CSMD1: variants seen among roughly 807,000 people sequenced by gnomAD.
CSMD1 encodes the protein CUB and Sushi multiple domains 1, also known as CUB and sushi domain-containing protein 1.
CSMD1 carries 213 observed loss-of-function variants against 417.5 expected under a neutral mutation model. The ratio of observed to expected loss-of-function variants is 0.51; its 90% CI spans 0.46 to 0.57. The LOEUF is 0.57. Ranked by LOEUF, CSMD1 falls within the 20% of genes least tolerant of loss-of-function variation. The pLI, the probability that CSMD1 is intolerant of heterozygous loss-of-function variation, is 0.00. For synonymous variants in CSMD1, 2,862 were observed against 1,736.8 expected (o/e 1.65, Z -16.11); for missense variants, 6,923 against 4,529.7 (o/e 1.53, Z -15.17).
intron 1 of CSMD1, among the ~76,000 whole-genome samples, chr8:4,799,466 G>C (rs1459297162): frequency 1.3e-5 from 2 of 151,762 alleles, no homozygotes. Flanking sequence ...GCGCGTAATG[G>C]TGTGTGCCTG....
At chr8:3,587,806 C>G (rs1352328086) in intron 8 of CSMD1, among the ~76,000 whole-genome samples, 1 of 152,102 alleles carries the variant, frequency 6.6e-6, no homozygotes, top group Non-Finnish European at 1.5e-5. Context: ...AAGATGTAGA[C>G]TTTTCCAGAT....
At chr8:4,665,110 C>A (rs1294110026) in intron 1 of CSMD1, among the ~76,000 whole-genome samples, 1 of 152,102 alleles carries the variant, frequency 6.6e-6, no homozygotes, top group Non-Finnish European at 1.5e-5. Context: ...CCAGCCCTGC[C>A]CTCTGTATTT....
At chr8:3,533,125 G>C (rs1209636900) in intron 10 of CSMD1, among the ~76,000 whole-genome samples, 1 of 152,098 alleles carries the variant, frequency 6.6e-6, no homozygotes, top group Non-Finnish European at 1.5e-5. Flanking sequence ...AAGCATGAAA[G>C]GACTTATTTT....
rs749764264 is a variant in CSMD1 at position 3,402,842 on chromosome 8, CTT to C, written c.2266+3183_2266+3184del. ...CCTAATTTATTTTTGTTTTTTCTAA[CTT>C]TTTAATCTTATTATTAAATTTCTTT... On this transcript the variant is annotated intron_variant, in intron 15 of 69. Transcript: ENST00000635120. Among the ~76,000 whole-genome samples the C allele has an allele frequency of 2.6e-4, 40 of 151,956 alleles. 1 individual carries two copies. Among genetic ancestry groups the C allele is most frequent in the Middle Eastern group, 3.4e-3 (1 of 294 alleles).
chr8:4,816,193 C>CT (rs34512629), intron 1 of CSMD1, among the ~76,000 whole-genome samples: 3,041 of 150,304 alleles, frequency 0.02, 94 homozygotes, highest in African/African-American at 0.067. Context: ...TTGTTATTTG[C>CT]TTTTTTTTTG....
chr8:4,204,764 C>A (rs1005683223), intron 3 of CSMD1, among the ~76,000 whole-genome samples: 1 of 152,142 alleles, frequency 6.6e-6, no homozygotes, highest in Non-Finnish European at 1.5e-5. Context: ...AATCAATCCT[C>A]CTGCCTCAGC....
rs910218876 is a variant in CSMD1, at chr8:3,958,723, G to A, written c.818+39180C>T. 1.1e-4 allele frequency among the ~76,000 whole-genome samples: 16 copies of A among 152,294 alleles called. No homozygotes were observed. The South Asian group carries it at 3.3e-3, about 32-fold the overall frequency. On this transcript the variant is annotated intron_variant, in intron 5 of 69. Transcript: ENST00000635120. ...ACTGAGGGTCAAACATGAGGCTTTT[G>A]TGGTTTAAATACTATGGGTGAGGTC...
chr8:3,276,494 A>G (rs1407900436), intron 26 of CSMD1, among the ~76,000 whole-genome samples: 1 of 152,174 alleles, frequency 6.6e-6, no homozygotes, highest in Non-Finnish European at 1.5e-5. Context: ...TTATAAAACC[A>G]TGAGATCTCA....
intron 5 of CSMD1, among the ~76,000 whole-genome samples, chr8:3,875,925 G>C (rs28617703): frequency 0.063 from 9,530 of 152,200 alleles, 850 homozygotes; most frequent in African/African-American, 0.2. Context: ...TTTATGAGGA[G>C]ATCAATGGGA....
intron 3 of CSMD1, among the ~76,000 whole-genome samples, chr8:4,057,400 T>C (rs1798751834): frequency 1.3e-5 from 2 of 152,260 alleles, no homozygotes; most frequent in East Asian, 3.9e-4. Flanking sequence ...TTCTTGTAAA[T>C]TTGTTTGAGT....
intron 3 of CSMD1, among the ~76,000 whole-genome samples, chr8:4,045,416 T>G (rs1798099889): frequency 6.6e-6 from 1 of 152,122 alleles, no homozygotes; most frequent in African/African-American, 2.4e-5. Flanking sequence ...CAATGACAAG[T>G]GGCCACAGCA....
At position 3,284,262 on chromosome 8, in the gene CSMD1, C is replaced by T. The variant is rs773168599; in HGVS notation, c.4035G>A (p.Leu1345=). The T allele has an allele frequency of 3.7e-6, 6 of 1,613,926 alleles. No homozygotes were observed. Among genetic ancestry groups the T allele is most frequent in the East Asian group, 2.2e-5 (1 of 44,868 alleles). The change falls in exon 26 of 70, where the codon CTG becomes CTA. Residue 1345 remains leucine (L), a synonymous_variant. Coordinates refer to ENST00000635120, the MANE Select transcript of CSMD1 (RefSeq NM_033225.6). ...GAAGGGCGGAGCCACTCCACTCCTT[C>T]AGCAGGATGTCACTGTCCACCGGCC... is the stretch of plus-strand genomic sequence containing the variant. ...WDGPVDSDIL[L]KEWSGSALPE... is the part of the protein sequence containing the mutation.
intron 1 of CSMD1, among the ~76,000 whole-genome samples, chr8:4,748,592 C>A (rs1032443309): frequency 9.2e-5 from 14 of 152,132 alleles, no homozygotes; most frequent in Non-Finnish European, 1.8e-4. Flanking sequence ...AGAAGACTCA[C>A]GGGGAGAAAT....
At chr8:3,076,922 T>G (rs1051085437) in intron 49 of CSMD1, among the ~76,000 whole-genome samples, 1 of 152,184 alleles carries the variant, frequency 6.6e-6, no homozygotes, top group Non-Finnish European at 1.5e-5. Flanking sequence ...TGAAGGAGAC[T>G]GGGCTTCTGG....
Position 2,965,816 on chromosome 8 carries a change from G to A in CSMD1, c.9239C>T (p.Thr3080Ile), listed in dbSNP as rs1228293159. 1.2e-6 allele frequency: 2 copies of A among 1,610,702 alleles called. No individual in the cohort carries two copies. The highest frequency in any genetic ancestry group is 1.7e-6 in the Non-Finnish European group (2 of 1,178,516). The stretch of plus-strand genomic sequence containing the variant: ...GCTCGGATTCCACCTGCCGTCTTTG[G>A]TACAGCGAATAGTGGCGGATGTGAC... ...EAVTSATIRC[T>I]KDGRWNPSKP... is the part of the protein sequence containing the mutation. Residue 3080 changes from threonine (T) to isoleucine (I), a missense_variant, in exon 59 of 70, where the codon ACC becomes ATC. By Grantham distance (89) the Thr-to-Ile change is moderately conservative (BLOSUM62 -1). Transcript: ENST00000635120.
At chr8:3,686,452 C>G (rs757717465) in intron 7 of CSMD1, among the ~76,000 whole-genome samples, 9 of 152,168 alleles carry the variant, frequency 5.9e-5, no homozygotes, top group Non-Finnish European at 1.3e-4. Flanking sequence ...ATATGCCACC[C>G]CACCATATGC....
In CSMD1 at chr8:3,106,522, G is replaced by A. The variant is rs751626555; in HGVS notation, c.6949+6C>T. ...TTATGTAGTTTTAGTATCGAACAGT[G>A]CATACCTTCACATGTTGGGAGAGAA... On this transcript the variant is annotated splice_donor_region_variant and intron_variant, in intron 46 of 69. Coordinates refer to ENST00000635120, the MANE Select transcript of CSMD1 (RefSeq NM_033225.6). The A allele has an allele frequency of 1.1e-5, 18 of 1,578,218 alleles. No individual in the cohort carries two copies. The highest frequency in any genetic ancestry group is 1.5e-5 in the Non-Finnish European group (17 of 1,147,750).
At chr8:4,807,242 C>G (rs1055832791) in intron 1 of CSMD1, among the ~76,000 whole-genome samples, 2 of 152,134 alleles carry the variant, frequency 1.3e-5, no homozygotes, top group African/African-American at 4.8e-5. Flanking sequence ...GGCAGCTTCT[C>G]CCACAGAAAG....
intron 1 of CSMD1, among the ~76,000 whole-genome samples, chr8:4,660,280 C>G (rs947957095): frequency 1.3e-5 from 2 of 152,020 alleles, no homozygotes; most frequent in African/African-American, 4.8e-5. Flanking sequence ...GTAACATGGA[C>G]AGAAGAGTTA....
Sources: gnomAD v4.1 joint callset for allele counts (sites outside exome capture counted in the v4.1 genomes callset) on GRCh38, gnomAD v4.1.1 for gene constraint, MANE v1.5 for transcripts, NCBI Gene and HGNC (gene_info 2026-07-23, HGNC 2026-07-21) for gene names.